The following IARS1 variants were observed in gnomAD, a reference collection of about 807,000 sequenced individuals.
IARS1 encodes the protein isoleucyl-tRNA synthetase 1, also known as isoleucine--tRNA ligase, cytoplasmic.
Under a neutral mutation model 168.2 loss-of-function variants are expected in IARS1, and 124 were observed. That is an observed-to-expected ratio of 0.74 (90% CI 0.64 to 0.86). The LOEUF (loss-of-function observed/expected upper bound fraction) is 0.86. Ranked by LOEUF, IARS1 falls within the 40% of genes least tolerant of loss-of-function variation. IARS1 has a pLI of 0.00. For synonymous variants in IARS1, 532 were observed against 529.4 expected, an observed-to-expected ratio of 1.00 and a Z score of -0.07; for missense variants, 1,452 against 1,515.8, an observed-to-expected ratio of 0.96 and a Z score of 0.70.
intron 14 of IARS1, among the ~76,000 whole-genome samples, chr9:92,265,929 G>A (rs994248628): frequency 3.3e-5 from 5 of 152,182 alleles, no homozygotes; most frequent in African/African-American, 1.2e-4. Context: ...AAAGTGCTGC[G>A]ATTACAGGCG....
At chr9:92,263,202 T>G in intron 16 of IARS1, 147 bp from the exon 17 acceptor site, 1 of 606,266 alleles carries the variant, frequency 1.6e-6, no homozygotes, top group Non-Finnish European at 2.9e-6. Flanking sequence ...TCCTGGTTAC[T>G]GGAGACCAAT....
At chr9:92,282,458 T>C (rs918470420) in intron 6 of IARS1, among the ~76,000 whole-genome samples, 2 of 151,998 alleles carry the variant, frequency 1.3e-5, no homozygotes, top group African/African-American at 2.4e-5. Context: ...TGCACCACCA[T>C]GCCCAGCTAA....
intron 33 of IARS1, among the ~76,000 whole-genome samples, chr9:92,221,647 G>A (rs370780323): frequency 3.9e-4 from 59 of 152,336 alleles, no homozygotes; most frequent in African/African-American, 1.4e-3. Flanking sequence ...GTGCTAAGTG[G>A]GAGAACGGGA....
At chr9:92,270,861 C>T (rs748398436) in intron 12 of IARS1, 124 bp downstream of exon 12, 69 of 601,620 alleles carry the variant, frequency 1.1e-4, no homozygotes, top group Non-Finnish European at 1.7e-4. Flanking sequence ...AAGGTGGCTT[C>T]CCAAACCAAC....
chr9:92,237,932 G>A (rs1415758852), intron 30 of IARS1, among the ~76,000 whole-genome samples: 1 of 152,056 alleles, frequency 6.6e-6, no homozygotes, highest in Non-Finnish European at 1.5e-5. Flanking sequence ...TTGAGACAGA[G>A]TCTCGCTCTG....
At chr9:92,259,085 A>C (rs1831158891) in intron 18 of IARS1, 87 bp from the exon 19 acceptor site, 2 of 1,199,206 alleles carry the variant, frequency 1.7e-6, no homozygotes, top group East Asian at 5.0e-5. Flanking sequence ...AGCAAGATGA[A>C]AATCAGTCCT....
At chr9:92,264,161 CCA>C (rs1831935227) in intron 16 of IARS1, among the ~76,000 whole-genome samples, 2 of 151,950 alleles carry the variant, frequency 1.3e-5, no homozygotes, top group African/African-American at 4.8e-5. Context: ...ATGGTGAAAC[CCA>C]GTCTCTACTA....
intron 33 of IARS1, among the ~76,000 whole-genome samples, chr9:92,216,682 T>C (rs1838758258): frequency 7.8e-6 from 1 of 128,128 alleles, no homozygotes; most frequent in Non-Finnish European, 1.6e-5. Flanking sequence ...AAGAAGGCCA[T>C]TACATAATGG....
chr9:92,293,250 T>C (rs1836670204), intron 1 of IARS1, among the ~76,000 whole-genome samples: 1 of 152,160 alleles, frequency 6.6e-6, no homozygotes, highest in African/African-American at 2.4e-5. Context: ...GGCAAATAAC[T>C]GAAAACAATC....
At chr9:92,280,620 T>C (rs544094413) in intron 7 of IARS1, 126 bp downstream of exon 7, 14 of 534,536 alleles carry the variant, frequency 2.6e-5, no homozygotes, top group African/African-American at 3.9e-5. Flanking sequence ...GTTATTTTTC[T>C]AATTAAGTCA....
At chr9:92,268,369 A>G in intron 13 of IARS1, 69 bp from the exon 14 acceptor site, 1 of 1,505,504 alleles carries the variant, frequency 6.6e-7, no homozygotes, top group Non-Finnish European at 9.1e-7. Context: ...AATAATACCC[A>G]CAGGAGCCTT....
Position 92,210,746 on chromosome 9 carries a change from T to C in IARS1, c.*61A>G. On this transcript the variant is annotated 3_prime_UTR_variant, in exon 34 of 34. Transcript: ENST00000443024. ...GTTCATGTGTGTGTCTATGTGCATGTATGTGTAGGGGATAGGTGTAATTAG... is the reference window on the plus strand; with the variant it reads ...GTTCATGTGTGTGTCTATGTGCATGCATGTGTAGGGGATAGGTGTAATTAG... The C allele has an allele frequency of 1.1e-6, 1 of 920,106 alleles. No homozygotes were observed. The highest frequency in any genetic ancestry group is 1.8e-6 in the Non-Finnish European group (1 of 548,020). 57.0% of individuals were successfully genotyped at this position (920,106 alleles called of 1,614,324 possible).
intron 10 of IARS1, 41 bp from the exon 11 acceptor site, chr9:92,271,696 T>C (rs1290351401): frequency 3.0e-5 from 48 of 1,607,090 alleles, no homozygotes; most frequent in Non-Finnish European, 4.1e-5. Flanking sequence ...AAACAGTCTA[T>C]GTATGGGTGT....
intron 33 of IARS1, among the ~76,000 whole-genome samples, chr9:92,218,111 TG>T (rs1372424345): frequency 6.6e-6 from 1 of 152,174 alleles, no homozygotes; most frequent in Non-Finnish European, 1.5e-5. Flanking sequence ...GATGCAAGGC[TG>T]GTTCAATATA....
chr9:92,222,340 CAAAAAAAAAAAAA>C (rs60335070), intron 33 of IARS1, among the ~76,000 whole-genome samples, 167 bp downstream of exon 33: 4 of 55,374 alleles, frequency 7.2e-5, no homozygotes, highest in Non-Finnish European at 1.3e-4. Flanking sequence ...GACTCAGTCT[CAAAAAAAAAAAAA>C]AAAAAAAAAA....
In IARS1 at chr9:92,240,896, T is replaced by C; in HGVS notation, c.3243A>G (p.Ala1081=). 6.2e-7 allele frequency: 1 copy of C among 1,613,612 alleles called. No individual in the cohort carries two copies. The highest frequency in any genetic ancestry group is 1.1e-5 in the South Asian group (1 of 91,064). Residue 1081 remains alanine, a synonymous_variant, in exon 30 of 34, where the codon GCA becomes GCG. Transcript: ENST00000443024. ...TTGCACAAATGTTAAGATTGACATA[T>C]GCACAAGCAGGACCAGGAAGGGAAG... The part of the protein sequence containing the change: ...RGSSLPGPAC[A]YVNLNICANG...
intron 6 of IARS1, among the ~76,000 whole-genome samples, chr9:92,284,767 TCAAA>T (rs932114161): frequency 8.5e-5 from 13 of 152,142 alleles, no homozygotes; most frequent in East Asian, 1.9e-4. Flanking sequence ...AGACTCTGAC[TCAAA>T]CAAACAAACA....
At chr9:92,243,182 A>G (rs758633608) in intron 28 of IARS1, 34 bp downstream of exon 28, 2 of 1,548,376 alleles carry the variant, frequency 1.3e-6, no homozygotes, top group Non-Finnish European at 1.8e-6. Context: ...ACAAAAAGCC[A>G]AAACAGTAGC....
At chr9:92,239,980 G>C (rs1049513146) in intron 30 of IARS1, among the ~76,000 whole-genome samples, 2 of 152,038 alleles carry the variant, frequency 1.3e-5, no homozygotes, top group Non-Finnish European at 2.9e-5. Flanking sequence ...GGCTTTCTTT[G>C]GTCTGTACTT....
Sources: allele counts gnomAD v4.1 joint callset (sites outside exome capture counted in the v4.1 genomes callset), GRCh38; gene constraint gnomAD v4.1.1; transcripts MANE v1.5; gene names NCBI Gene and HGNC (gene_info 2026-07-23, HGNC 2026-07-21).